MKLN1: variants seen among roughly 807,000 people sequenced by gnomAD.
MKLN1 encodes the protein muskelin.
In MKLN1, 18 loss-of-function variants were observed where a neutral mutation model predicts 99.0. That is an observed-to-expected ratio of 0.18 (90% CI 0.13 to 0.27). MKLN1 has a LOEUF of 0.27. Ranked by LOEUF, MKLN1 falls within the 10% of genes least tolerant of loss-of-function variation. The pLI is 1.00. For missense variants in MKLN1, 621 were observed against 875.9 expected, an observed-to-expected ratio of 0.71 and a Z score of 3.67; for synonymous variants, 288 against 293.2, an observed-to-expected ratio of 0.98 and a Z score of 0.18.
At chr7:131,308,731 A>T (rs1038654920) in intron 3 of MKLN1, among the ~76,000 whole-genome samples, 1 of 151,910 alleles carries the variant, frequency 6.6e-6, no homozygotes, top group African/African-American at 2.4e-5. Flanking sequence ...GATTATAGGC[A>T]TGTGCCACCA....
chr7:131,177,856 A>G lies in MKLN1; in HGVS notation c.-296-25001A>G, dbSNP rs150533681. Among the ~76,000 whole-genome samples, 449 of 152,300 alleles carry G rather than the reference A, an allele frequency of 2.9e-3. 3 individuals are homozygous for G. Among genetic ancestry groups the G allele is most frequent in the African/African-American group, 0.01 (423 of 41,568 alleles). ...ATACATGAAGCTGTATTTGTCTCATATAAAAGATGTTTGGAGGTAGGAAGT... is the reference window on the plus strand; with the variant it reads ...ATACATGAAGCTGTATTTGTCTCATGTAAAAGATGTTTGGAGGTAGGAAGT... On this transcript the variant is annotated intron_variant, in intron 2 of 7. Transcript: ENST00000416992.
intron 6 of MKLN1, among the ~76,000 whole-genome samples, 185 bp downstream of exon 6, chr7:131,399,618 A>G (rs1563329331): frequency 2.6e-5 from 4 of 152,186 alleles, no homozygotes; most frequent in Admixed American, 2.6e-4. Context: ...TGATGTAATG[A>G]GACTTAAAAA....
At chr7:131,131,067 A>AG (rs1380525133) in intron 1 of MKLN1, among the ~76,000 whole-genome samples, 1 of 149,814 alleles carries the variant, frequency 6.7e-6, no homozygotes, top group Non-Finnish European at 1.5e-5. Context: ...AAAAAAAAAA[A>AG]AAAAAAGGTT....
At chr7:131,401,496 G>A (rs763074140) in intron 6 of MKLN1, among the ~76,000 whole-genome samples, 1 of 152,156 alleles carries the variant, frequency 6.6e-6, no homozygotes, top group African/African-American at 2.4e-5. Flanking sequence ...TGTGAGATAA[G>A]GGAAGGATAA....
chr7:131,445,014 G>A (rs2116516804), intron 11 of MKLN1, among the ~76,000 whole-genome samples: 2 of 152,054 alleles, frequency 1.3e-5, no homozygotes, highest in Middle Eastern at 3.4e-3. Context: ...GTCTATAATA[G>A]CTTTCACAGT....
chr7:131,285,390 CT>C (rs545165239), intron 3 of MKLN1, among the ~76,000 whole-genome samples: 1 of 152,348 alleles, frequency 6.6e-6, no homozygotes, highest in Admixed American at 6.5e-5. Flanking sequence ...ACCTTGTCCA[CT>C]TTCCCCCTGG....
At chr7:131,135,334 G>T (rs922976197) in intron 1 of MKLN1, among the ~76,000 whole-genome samples, 1 of 152,122 alleles carries the variant, frequency 6.6e-6, no homozygotes, top group African/African-American at 2.4e-5. Context: ...TGCTGGCCAG[G>T]CTGGTCTCAA....
chr7:131,196,901 C>A (rs887548130), intron 2 of MKLN1, among the ~76,000 whole-genome samples: 5 of 152,114 alleles, frequency 3.3e-5, no homozygotes, highest in African/African-American at 9.7e-5. Context: ...TACATATACA[C>A]CCCTCTCCCT....
intron 2 of MKLN1, among the ~76,000 whole-genome samples, chr7:131,380,787 G>A (rs1224642420): frequency 3.3e-5 from 5 of 152,108 alleles, no homozygotes. Flanking sequence ...TAATCATACG[G>A]TAATTGCAAG....
chr7:131,480,330 A>G (rs1243312034), intron 17 of MKLN1, among the ~76,000 whole-genome samples: 6 of 152,212 alleles, frequency 3.9e-5, no homozygotes. Flanking sequence ...ACACTTTGGG[A>G]TATCAATTTA....
chr7:131,321,986 G>A (rs1584599827), intron 3 of MKLN1, among the ~76,000 whole-genome samples: 1 of 152,334 alleles, frequency 6.6e-6, no homozygotes, highest in Middle Eastern at 3.4e-3. Context: ...CCATGGAAGA[G>A]ATAAGGATCA....
intron 2 of MKLN1, among the ~76,000 whole-genome samples, chr7:131,185,130 C>A (rs1016492713): frequency 3.3e-5 from 5 of 152,112 alleles, no homozygotes; most frequent in African/African-American, 1.2e-4. Context: ...TGTAAGACTG[C>A]ACCTTGCAGG....
intron 1 of MKLN1, among the ~76,000 whole-genome samples, chr7:131,344,889 C>T (rs1402817650): frequency 1.3e-5 from 2 of 152,258 alleles, no homozygotes; most frequent in African/African-American, 4.8e-5. Flanking sequence ...GCAGCCTCCA[C>T]CTCCTGGGTT....
intron 1 of MKLN1, among the ~76,000 whole-genome samples, chr7:131,354,083 AT>A (rs1296772007): frequency 6.6e-6 from 1 of 152,016 alleles, no homozygotes; most frequent in Non-Finnish European, 1.5e-5. Context: ...TTTTATTCTC[AT>A]TTAAATAATT....
chr7:131,475,309 GA>G (rs1796934160), intron 16 of MKLN1, among the ~76,000 whole-genome samples: 1 of 151,870 alleles, frequency 6.6e-6, no homozygotes, highest in African/African-American at 2.4e-5. Context: ...AGAAGAAATA[GA>G]AAATCTTAAG....
At chr7:131,133,820 G>GTTTTTTTTTTTTTTT (rs1563226583) in intron 1 of MKLN1, among the ~76,000 whole-genome samples, 1 of 24,078 alleles carries the variant, frequency 4.2e-5, no homozygotes, top group Non-Finnish European at 7.5e-5. Context: ...TTTTAATTTG[G>GTTTTTTTTTTTTTTT]TTTTTTTTTT....
intron 3 of MKLN1, among the ~76,000 whole-genome samples, chr7:131,271,618 T>TA (rs757729397): frequency 2.5e-3 from 251 of 102,314 alleles, no homozygotes; most frequent in Middle Eastern, 6.2e-3. Context: ...CTCCGTCTCC[T>TA]AAAAAAAAAA....
rs1285115099 is a variant in MKLN1 at position 131,229,231 on chromosome 7, T to C, written c.-179+26257T>C. On this transcript the variant is annotated intron_variant, in intron 3 of 7. Transcript: ENST00000416992. ...AGAATGTGCAGGTTTGTTACATAGG[T>C]ATACACGTGCCATGGTGGTTTGCTG... is the stretch of plus-strand genomic sequence containing the variant. Among the ~76,000 whole-genome samples the C allele has an allele frequency of 2.6e-5, 4 of 151,842 alleles. No individual in the cohort carries two copies. The East Asian group carries it at 7.7e-4, about 29-fold the overall frequency.
chr7:131,297,229 C>T (rs1423827291), intron 3 of MKLN1, among the ~76,000 whole-genome samples: 7 of 152,000 alleles, frequency 4.6e-5, no homozygotes, highest in Admixed American at 2.0e-4. Context: ...CGTGTGGTGG[C>T]GTGCGCCTGT....
Sources: allele counts gnomAD v4.1 joint callset (sites outside exome capture counted in the v4.1 genomes callset), GRCh38; gene constraint gnomAD v4.1.1; transcripts MANE v1.5; gene names NCBI Gene and HGNC (gene_info 2026-07-23, HGNC 2026-07-21).